Variants in CNTN4 observed in about 807,000 individuals in gnomAD.
CNTN4 encodes contactin 4, also known as contactin-4.
A neutral mutation model predicts 122.5 loss-of-function variants in CNTN4; 77 were observed. The observed-to-expected ratio is 0.63, with a 90% CI of 0.52 to 0.76. The LOEUF is 0.76. CNTN4 is among the 30% of genes least tolerant of loss of function. The pLI, the probability that CNTN4 is intolerant of heterozygous loss-of-function variation, is 0.00. For missense variants in CNTN4, 1,256 were observed against 1,259.1 expected (o/e 1.00, Z 0.04); for synonymous variants, 512 against 447.0 (o/e 1.15, Z -1.83).
intron 2 of CNTN4, among the ~76,000 whole-genome samples, chr3:2,317,343 G>A (rs149569568): frequency 6.3e-4 from 96 of 152,290 alleles, no homozygotes; most frequent in African/African-American, 2.1e-3. Flanking sequence ...GTTTAGTGTA[G>A]TTTATTTGTT....
chr3:2,896,349 A>C (rs1334742492), intron 10 of CNTN4, among the ~76,000 whole-genome samples: 1 of 152,134 alleles, frequency 6.6e-6, no homozygotes, highest in Non-Finnish European at 1.5e-5. Context: ...AGTGCCTTCC[A>C]AGAACCCTCA....
At chr3:2,774,004 C>T (rs1306883802) in intron 6 of CNTN4, among the ~76,000 whole-genome samples, 2 of 152,128 alleles carry the variant, frequency 1.3e-5, no homozygotes, top group Non-Finnish European at 2.9e-5. Flanking sequence ...AAGTGATCCA[C>T]TTGCCTCAAC....
At chr3:2,940,250 A>G (rs976143490) in intron 13 of CNTN4, among the ~76,000 whole-genome samples, 1 of 152,234 alleles carries the variant, frequency 6.6e-6, no homozygotes, top group Non-Finnish European at 1.5e-5. Flanking sequence ...AGAACCACGA[A>G]ATAGGGCTGC....
At chr3:2,978,926 G>A (rs1313936626) in intron 13 of CNTN4, among the ~76,000 whole-genome samples, 1 of 150,852 alleles carries the variant, frequency 6.6e-6, no homozygotes, top group Non-Finnish European at 1.5e-5. Context: ...CTGGAGTGAG[G>A]TCTGGTATAA....
In CNTN4 at chr3:2,702,358, G is replaced by A. The variant is rs547990672; in HGVS notation, c.56-33857G>A. ...GAACAAACGAACACTGCAAGTATCC[G>A]TATGGATAAAGCAACAAATCATTTT... On this transcript the variant is annotated intron_variant, in intron 4 of 24. Coordinates refer to ENST00000418658, the MANE Select transcript of CNTN4 (RefSeq NM_175607.3). 5.3e-5 allele frequency among the ~76,000 whole-genome samples: 8 copies of A among 152,332 alleles called. No homozygotes were observed. In the South Asian group the frequency reaches 6.2e-4, roughly 12 times the overall value.
chr3:2,985,216 C>A (rs988478541), intron 13 of CNTN4: 6 of 152,346 alleles, frequency 3.9e-5, no homozygotes, highest in Admixed American at 3.3e-4. Context: ...GAAAATTCAT[C>A]ATACATTTAC....
chr3:2,812,708 T>C (rs147514341), intron 6 of CNTN4, among the ~76,000 whole-genome samples: 1 of 152,328 alleles, frequency 6.6e-6, no homozygotes, highest in African/African-American at 2.4e-5. Context: ...AGTGCTAACA[T>C]TTATAGACTA....
intron 3 of CNTN4, among the ~76,000 whole-genome samples, chr3:2,514,024 T>G (rs749065572): frequency 7.9e-5 from 12 of 152,222 alleles, no homozygotes; most frequent in Non-Finnish European, 1.6e-4. Context: ...GGACAATTTC[T>G]GTGCTACCCA....
At chr3:2,930,964 G>A (rs7624480) in intron 13 of CNTN4, among the ~76,000 whole-genome samples, 4,179 of 152,302 alleles carry the variant, frequency 0.027, 193 homozygotes, top group African/African-American at 0.094. Flanking sequence ...GTAGGGCAGC[G>A]ATAGATTGTG....
chr3:2,513,461 T>G (rs977342604), intron 3 of CNTN4, among the ~76,000 whole-genome samples: 6 of 152,182 alleles, frequency 3.9e-5, no homozygotes, highest in African/African-American at 1.4e-4. Flanking sequence ...TTGTATCTAC[T>G]TGGTTGAGTA....
chr3:2,671,558 G>A (rs924004201), intron 4 of CNTN4, among the ~76,000 whole-genome samples: 8 of 152,088 alleles, frequency 5.3e-5, no homozygotes, highest in Non-Finnish European at 1.2e-4. Context: ...GCTTGAAGAA[G>A]TTTGATCATC....
intron 4 of CNTN4, among the ~76,000 whole-genome samples, chr3:2,673,271 T>C (rs1030734143): frequency 7.9e-5 from 12 of 152,306 alleles, no homozygotes; most frequent in African/African-American, 2.9e-4. Flanking sequence ...TTTGGGTGGC[T>C]ATGTACAGTC....
In CNTN4 at chr3:2,287,690, A is replaced by G. The variant is rs867614764; in HGVS notation, c.-144-51488A>G. 7.4e-4 allele frequency among the ~76,000 whole-genome samples: 61 copies of G among 82,474 alleles called. 3 individuals carry two copies. The highest frequency in any genetic ancestry group is 2.4e-3 in the African/African-American group (53 of 22,074). 54.1% of individuals were successfully genotyped at this position (82,474 alleles called of 152,430 possible). Reference sequence around the variant, plus strand: ...AAGAAGAAGAAGAAGAAGAAGAAGAAGAGGAAGAAGAAGAAGAAGAGGAAG... The same window carrying G: ...AAGAAGAAGAAGAAGAAGAAGAAGAGGAGGAAGAAGAAGAAGAAGAGGAAG... On this transcript the variant is annotated intron_variant, in intron 2 of 24. Coordinates refer to ENST00000418658, the MANE Select transcript of CNTN4 (RefSeq NM_175607.3).
chr3:2,292,271 C>T (rs1015142616), intron 2 of CNTN4, among the ~76,000 whole-genome samples: 85 of 152,286 alleles, frequency 5.6e-4, no homozygotes, highest in African/African-American at 1.9e-3. Flanking sequence ...ACAGAATGAA[C>T]TTCACAAGGG....
chr3:2,883,615 C>T (rs966639891), intron 9 of CNTN4, among the ~76,000 whole-genome samples: 10 of 152,184 alleles, frequency 6.6e-5, no homozygotes, highest in Admixed American at 2.6e-4. Flanking sequence ...AAAATACGGA[C>T]TTTCATTTTG....
intron 7 of CNTN4, among the ~76,000 whole-genome samples, chr3:2,827,467 A>C (rs1473156724): frequency 6.6e-6 from 1 of 152,232 alleles, no homozygotes. Context: ...AGTCAAAGTT[A>C]AATCAGAGAA....
intron 3 of CNTN4, among the ~76,000 whole-genome samples, chr3:2,397,546 A>G (rs2046684806): frequency 6.6e-6 from 1 of 152,068 alleles, no homozygotes; most frequent in African/African-American, 2.4e-5. Flanking sequence ...TCACATATAC[A>G]TACATCTGAT....
At chr3:2,436,154 A>G (rs2048250022) in intron 3 of CNTN4, among the ~76,000 whole-genome samples, 1 of 152,156 alleles carries the variant, frequency 6.6e-6, no homozygotes, top group Admixed American at 6.6e-5. Flanking sequence ...TGTTTCAACA[A>G]TTATTCATTC....
chr3:2,287,658 GAAGAAGAAGAAGAAGAAGAAGAAGAAGAA>G (rs1559415352), intron 2 of CNTN4, among the ~76,000 whole-genome samples: 5 of 31,896 alleles, frequency 1.6e-4, no homozygotes, highest in Non-Finnish European at 3.5e-4. Flanking sequence ...AGAAGAAGAA[GAAGAAGAAGAAGAAGAAGAAGAAGAAGAA>G]GAAGAGGAAG....
Sources: gnomAD v4.1 joint callset for allele counts (sites outside exome capture counted in the v4.1 genomes callset) on GRCh38, gnomAD v4.1.1 for gene constraint, MANE v1.5 for transcripts, NCBI Gene and HGNC (gene_info 2026-07-23, HGNC 2026-07-21) for gene names.